PIR: variants seen among roughly 807,000 people sequenced by gnomAD.
The protein encoded by PIR is pirin, also known as pirin (iron-binding nuclear protein).
A neutral mutation model predicts 24.2 loss-of-function variants in PIR; 22 were observed. That is an observed-to-expected ratio of 0.91 (90% CI 0.65 to 1.30). The LOEUF is 1.30. Among genes scored for constraint, PIR ranks in the 50% most tolerant of loss-of-function variants. The probability of loss-of-function intolerance (pLI) is 0.00; values close to 1 mark genes in which losing one functional copy is unlikely to be tolerated. For synonymous variants in PIR, 80 were observed against 79.6 expected, an observed-to-expected ratio of 1.00 and a Z score of -0.03; for missense variants, 220 against 220.3, an observed-to-expected ratio of 1.00 and a Z score of 0.01.
chrX:15,393,713 A>T (rs1292015625), intron 8 of PIR, among the ~76,000 whole-genome samples: 1 of 108,968 alleles, frequency 9.2e-6, no homozygotes, highest in Non-Finnish European at 1.9e-5. Flanking sequence ...CTAATGCCTA[A>T]TGATCTGTCA....
chrX:15,389,576 G>A (rs998698428), intron 9 of PIR, among the ~76,000 whole-genome samples: 1 of 111,469 alleles, frequency 9.0e-6, no homozygotes, highest in African/African-American at 3.3e-5. Flanking sequence ...GCTTTTAGAT[G>A]TTCCTCATTT....
At chrX:15,475,154 A>G (rs1476780496) in intron 3 of PIR, among the ~76,000 whole-genome samples, 4 of 109,992 alleles carry the variant, frequency 3.6e-5, no homozygotes, top group Non-Finnish European at 7.6e-5. Context: ...TCGGGTCATA[A>G]GTTTTAGGTG....
intron 5 of PIR, among the ~76,000 whole-genome samples, chrX:15,436,121 C>CA (rs1925742948): frequency 9.0e-6 from 1 of 111,548 alleles, no homozygotes; most frequent in East Asian, 2.8e-4. Flanking sequence ...TAGAGAGGGC[C>CA]AAAAAAACAT....
At chrX:15,467,779 TG>T (rs1921679524) in intron 3 of PIR, among the ~76,000 whole-genome samples, 1 of 111,990 alleles carries the variant, frequency 8.9e-6, no homozygotes, top group Non-Finnish European at 1.9e-5. Context: ...ATTTCTGACA[TG>T]GACATCAAGG....
chrX:15,416,519 A>G (rs780292713), intron 6 of PIR, among the ~76,000 whole-genome samples: 1 of 111,880 alleles, frequency 8.9e-6, no homozygotes, highest in African/African-American at 3.2e-5. Flanking sequence ...CCATATGGAA[A>G]AATGTGTGGT....
chrX:15,440,813 G>C (rs181669767), intron 5 of PIR, among the ~76,000 whole-genome samples: 283 of 111,224 alleles, frequency 2.5e-3, no homozygotes, highest in African/African-American at 7.9e-3. Context: ...CACAAGCATA[G>C]AACTTTACAC....
intron 9 of PIR, among the ~76,000 whole-genome samples, chrX:15,385,520 G>T (rs1200191019): frequency 8.9e-6 from 1 of 111,976 alleles, no homozygotes; most frequent in African/African-American, 3.2e-5. Context: ...TCATAGCTTT[G>T]GTGTCTAAGC....
intron 8 of PIR, among the ~76,000 whole-genome samples, chrX:15,395,507 G>A (rs2071177): frequency 0.49 from 53,842 of 110,770 alleles, 9,449 homozygotes; most frequent in Non-Finnish European, 0.54. Context: ...TGGCCTATTG[G>A]ACATAATTTA....
chrX:15,385,225 A>G (rs763890100), intron 9 of PIR, 109 bp from the exon 10 acceptor site: 2 of 413,194 alleles, frequency 4.8e-6, no homozygotes, highest in African/African-American at 5.1e-5. Context: ...ATCCAAGCAC[A>G]TCCGAAGAGT....
intron 5 of PIR, among the ~76,000 whole-genome samples, chrX:15,438,296 G>A (rs1925809706): frequency 8.9e-6 from 1 of 112,227 alleles, no homozygotes; most frequent in Non-Finnish European, 1.9e-5. Context: ...AATGACAGAT[G>A]GGCCAAGGTT....
rs754116868 is a variant in PIR, at chrX:15,397,441, ATACT to A, written c.693+4_693+7del. The stretch of plus-strand genomic sequence containing the variant: ...GTTAAGAAAGTTAAAGGAAAATAAC[ATACT>A]TACCTTGTTCTCCACCTGGACACTG... On this transcript the variant is annotated splice_donor_5th_base_variant and intron_variant, in intron 8 of 9. Coordinates refer to ENST00000380420, the MANE Select transcript of PIR (RefSeq NM_001018109.3). The A allele has an allele frequency of 1.8e-6, 2 of 1,131,583 alleles. No homozygotes were observed. The highest frequency in any genetic ancestry group is 1.8e-5 in the South Asian group (1 of 55,232). 93.3% of individuals were successfully genotyped at this position (1,131,583 alleles called of 1,213,427 possible).
intron 6 of PIR, among the ~76,000 whole-genome samples, chrX:15,413,336 G>C (rs182061648): frequency 9.0e-6 from 1 of 111,461 alleles, no homozygotes; most frequent in Non-Finnish European, 1.9e-5. Context: ...TAGTCTCTTC[G>C]ACTGCGGAGC....
intron 2 of PIR, among the ~76,000 whole-genome samples, chrX:15,487,450 T>A (rs1338577757): frequency 8.0e-5 from 9 of 111,846 alleles, no homozygotes; most frequent in Admixed American, 7.6e-4. Flanking sequence ...GATGATAATA[T>A]GGATGAAATA....
At position 15,459,750 on chromosome X, in the gene PIR, A is replaced by T. The variant is rs777894182; in HGVS notation, c.190-10T>A. The T allele has an allele frequency of 7.5e-6, 8 of 1,059,887 alleles. No individual in the cohort carries two copies. The highest frequency in any genetic ancestry group is 1.1e-5 in the Non-Finnish European group (8 of 758,335). The allele number at this position is 1,059,887 out of a possible 1,213,427, so 87.3% of individuals were successfully genotyped here. ...CCAGGAGGTAGGATACCTTTGAAAAACAAACAGGAAAAAAAGTAGATCCTT... is the reference window on the plus strand; with the variant it reads ...CCAGGAGGTAGGATACCTTTGAAAATCAAACAGGAAAAAAAGTAGATCCTT... On this transcript the variant is annotated splice_polypyrimidine_tract_variant and intron_variant, in intron 3 of 9. Coordinates refer to ENST00000380420, the MANE Select transcript of PIR (RefSeq NM_001018109.3).
At chrX:15,446,020 G>C (rs974894825) in intron 5 of PIR, among the ~76,000 whole-genome samples, 1 of 108,358 alleles carries the variant, frequency 9.2e-6, no homozygotes. Context: ...TAGTAGAGAC[G>C]GGGTTTCACC....
intron 2 of PIR, 44 bp downstream of exon 2, chrX:15,491,118 C>T (rs761165790): frequency 1.1e-6 from 1 of 888,408 alleles, no homozygotes; most frequent in South Asian, 2.1e-5. Flanking sequence ...TCCCACCAGT[C>T]CCTTCTGAAA....
At chrX:15,464,419 A>C in intron 3 of PIR, 1 of 754,080 alleles carries the variant, frequency 1.3e-6, no homozygotes, top group Non-Finnish European at 1.6e-6. Flanking sequence ...TAATCAGTGG[A>C]TGAAAGTAAG....
At chrX:15,427,075 G>C (rs1925341845) in intron 5 of PIR, among the ~76,000 whole-genome samples, 1 of 111,849 alleles carries the variant, frequency 8.9e-6, no homozygotes, top group East Asian at 2.8e-4. Flanking sequence ...CAACTCAGGT[G>C]AATTTCACAG....
intron 3 of PIR, among the ~76,000 whole-genome samples, chrX:15,470,704 C>T (rs958169765): frequency 1.9e-5 from 2 of 106,821 alleles, no homozygotes; most frequent in African/African-American, 6.9e-5. Context: ...TGAGTTCAAG[C>T]GAATCTCCTG....
Sources: allele counts gnomAD v4.1 joint callset (sites outside exome capture counted in the v4.1 genomes callset), GRCh38; gene constraint gnomAD v4.1.1; transcripts MANE v1.5; gene names NCBI Gene and HGNC (gene_info 2026-07-23, HGNC 2026-07-21).